The following SHROOM3 variants were observed in gnomAD, a reference collection of about 807,000 sequenced individuals.
The protein encoded by SHROOM3 is shroom family member 3.
Under a neutral mutation model 138.6 loss-of-function variants are expected in SHROOM3, and 47 were observed. That is an observed-to-expected ratio of 0.34 (90% CI 0.27 to 0.43). The LOEUF is 0.43. Among genes scored for constraint, SHROOM3 ranks in the 20% least tolerant of loss-of-function variants. The probability of loss-of-function intolerance (pLI) is 1.00; values close to 1 mark genes in which losing one functional copy is unlikely to be tolerated. For missense variants in SHROOM3, 2,491 were observed against 2,596.5 expected (o/e 0.96, Z 0.88); for synonymous variants, 1,062 against 1,063.3 (o/e 1.00, Z 0.02).
intron 1 of SHROOM3, among the ~76,000 whole-genome samples, chr4:76,490,991 GAATT>G (rs1262319972): frequency 2.0e-5 from 3 of 152,316 alleles, no homozygotes; most frequent in African/African-American, 7.2e-5. Flanking sequence ...GTTAACGGGG[GAATT>G]CTTGAAAGTT....
At chr4:76,678,381 T>G (rs1719099376) in intron 2 of SHROOM3, among the ~76,000 whole-genome samples, 1 of 152,162 alleles carries the variant, frequency 6.6e-6, no homozygotes, top group African/African-American at 2.4e-5. Flanking sequence ...AGGAAGTCAT[T>G]TGCATTTCAG....
chr4:76,463,882 A>G (rs1015429255), intron 1 of SHROOM3, among the ~76,000 whole-genome samples: 12 of 152,242 alleles, frequency 7.9e-5, no homozygotes, highest in African/African-American at 2.9e-4. Context: ...TTCTACCTAG[A>G]GTTCAGAGTG....
chr4:76,503,055 T>C (rs926093086), intron 1 of SHROOM3, among the ~76,000 whole-genome samples: 3 of 152,162 alleles, frequency 2.0e-5, no homozygotes, highest in African/African-American at 7.2e-5. Flanking sequence ...GGCTTTATAA[T>C]GACTCTTGAT....
chr4:76,619,300 T>A (rs1252337547), intron 2 of SHROOM3, among the ~76,000 whole-genome samples: 1 of 152,162 alleles, frequency 6.6e-6, no homozygotes. Flanking sequence ...GAAAAATGAT[T>A]TACTCTGCTG....
intron 2 of SHROOM3, among the ~76,000 whole-genome samples, chr4:76,618,692 A>C (rs1286640495): frequency 6.6e-6 from 1 of 152,218 alleles, no homozygotes; most frequent in African/African-American, 2.4e-5. Flanking sequence ...TCCTAAGAAC[A>C]TGGATATTCT....
chr4:76,486,455 T>C (rs1184295471), intron 1 of SHROOM3, among the ~76,000 whole-genome samples: 2 of 152,226 alleles, frequency 1.3e-5, no homozygotes, highest in African/African-American at 4.8e-5. Context: ...GTGTTGACAA[T>C]ACCTGTTGGG....
chr4:76,749,063 C>T lies in SHROOM3; in HGVS notation c.3800C>T (p.Pro1267Leu). The change falls in exon 6 of 11, where the codon CCA becomes CTA. Residue 1267 changes from proline to leucine, a missense_variant. By Grantham distance (98) the Pro-to-Leu change is moderately conservative. Around this residue, in one of 4 missense-constraint regions of SHROOM3, gnomAD observed 1,733 missense variants for 1,661.6 expected, o/e 1.04. Coordinates refer to ENST00000296043, the MANE Select transcript of SHROOM3 (RefSeq NM_020859.4). ...AGTGGCTTTGGTCTTGTGAAGGATC[C>T]ATGTTATTTGGCTGGTCCTGGATCT... ...QDSGFGLVKD[P>L]CYLAGPGSRS... 6.2e-7 allele frequency: 1 copy of T among 1,613,972 alleles called. No homozygotes were observed.
chr4:76,672,476 AG>A (rs762331907), intron 2 of SHROOM3, among the ~76,000 whole-genome samples: 160 of 151,332 alleles, frequency 1.1e-3, no homozygotes, highest in Non-Finnish European at 2.0e-3. Context: ...TTCTTTTGAT[AG>A]GAACAGTAAG....
intron 9 of SHROOM3, among the ~76,000 whole-genome samples, chr4:76,770,391 C>T (rs1479798368): frequency 8.6e-6 from 1 of 116,610 alleles, no homozygotes; most frequent in Non-Finnish European, 1.8e-5. Flanking sequence ...CAATGGAAAA[C>T]ATTACAAGGT....
chr4:76,579,951 G>A (rs146266615), intron 2 of SHROOM3, among the ~76,000 whole-genome samples: 8 of 152,284 alleles, frequency 5.3e-5, no homozygotes, highest in African/African-American at 9.6e-5. Flanking sequence ...GAAAAACCCC[G>A]CATCATGTGC....
chr4:76,667,379 T>C (rs932435325), intron 2 of SHROOM3, among the ~76,000 whole-genome samples: 14 of 152,176 alleles, frequency 9.2e-5, no homozygotes, highest in African/African-American at 2.7e-4. Flanking sequence ...GATGCAGTGA[T>C]GTGATCACGG....
intron 2 of SHROOM3, among the ~76,000 whole-genome samples, chr4:76,677,055 A>T (rs1247857201): frequency 6.6e-6 from 1 of 152,200 alleles, no homozygotes; most frequent in African/African-American, 2.4e-5. Context: ...TACAATTTTT[A>T]AAGAAAATTT....
chr4:76,467,286 A>G (rs960085282), intron 1 of SHROOM3, among the ~76,000 whole-genome samples: 2 of 152,110 alleles, frequency 1.3e-5, no homozygotes, highest in African/African-American at 2.4e-5. Context: ...GGCTCAAGCC[A>G]TCTGCCTGCC....
chr4:76,748,951 C>T, intron 5 of SHROOM3, 66 bp from the exon 6 acceptor site: 1 of 1,502,864 alleles, frequency 6.7e-7, no homozygotes, highest in South Asian at 1.1e-5. Flanking sequence ...TTTTTACCTC[C>T]ACCCTCTTGG....
Position 76,555,754 on chromosome 4 carries a change from T to C in SHROOM3, c.314T>C (p.Val105Ala), listed in dbSNP as rs769022440. ...VKGSYKTLRL[V>A]VRRDVCTDPG... ...GGATCCTACAAGACCCTCAGGCTGG[T>C]AGTGCGCAGGTAGGTGGCAGACCCC... The change falls in exon 2 of 11, where the codon GTA (valine) becomes GCA (alanine). Residue 105 changes from valine (V) to alanine (A), a missense_variant. Coordinates refer to ENST00000296043, the MANE Select transcript of SHROOM3 (RefSeq NM_020859.4). The C allele has an allele frequency of 3.7e-6, 6 of 1,612,860 alleles. No homozygotes were observed. In the African/African-American group the frequency reaches 8.0e-5, roughly 22 times the overall value.
chr4:76,436,640 T>C (rs1335927217), intron 1 of SHROOM3, among the ~76,000 whole-genome samples: 1 of 152,248 alleles, frequency 6.6e-6, no homozygotes, highest in Non-Finnish European at 1.5e-5. Context: ...CTTATAATTC[T>C]GGATAATAGA....
chr4:76,698,271 TA>T (rs990078388), intron 2 of SHROOM3, among the ~76,000 whole-genome samples: 2 of 152,120 alleles, frequency 1.3e-5, no homozygotes, highest in African/African-American at 4.8e-5. Flanking sequence ...GGCATGAGCT[TA>T]AAAAAAGTGC....
chr4:76,603,379 C>A (rs369355287), intron 2 of SHROOM3, among the ~76,000 whole-genome samples: 1 of 152,170 alleles, frequency 6.6e-6, no homozygotes, highest in East Asian at 1.9e-4. Context: ...GATTGGGCCA[C>A]TGCACTCCAG....
intron 1 of SHROOM3, among the ~76,000 whole-genome samples, chr4:76,446,428 G>GT (rs749558302): frequency 0.31 from 47,669 of 151,420 alleles, 8,864 homozygotes; most frequent in Non-Finnish European, 0.43. Context: ...GGCGGTGGGG[G>GT]ATGCACATCT....
Sources: gnomAD v4.1 joint callset for allele counts (sites outside exome capture counted in the v4.1 genomes callset) on GRCh38, gnomAD v4.1.1 for gene constraint, gnomAD v4.1.1 regional missense constraint, MANE v1.5 for transcripts, NCBI Gene and HGNC (gene_info 2026-07-23, HGNC 2026-07-21) for gene names.